Variants in NOTCH2 observed in about 807,000 individuals in gnomAD.
NOTCH2 encodes the protein notch receptor 2, also known as neurogenic locus notch homolog protein 2.
In NOTCH2, 29 loss-of-function variants were observed where a neutral mutation model predicts 235.8. The observed-to-expected ratio is 0.12, with a 90% CI of 0.09 to 0.17. The LOEUF is 0.17. NOTCH2 is among the 10% of genes least tolerant of loss of function. NOTCH2 has a pLI of 1.00. For synonymous variants in NOTCH2, 1,086 were observed against 1,141.5 expected (o/e 0.95, Z 0.98); for missense variants, 2,285 against 3,150.2 (o/e 0.73, Z 6.57).
chr1:119,971,938 G>A (rs1651376661), intron 5 of NOTCH2, among the ~76,000 whole-genome samples: 1 of 151,956 alleles, frequency 6.6e-6, no homozygotes, highest in African/African-American at 2.4e-5. Context: ...GTGAGTGAGG[G>A]ATGAGGGAGT....
rs782677147 is a variant in NOTCH2, at chr1:119,929,177, G to A, written c.3691C>T (p.Arg1231Trp). 11 of 1,614,056 alleles carry A rather than the reference G, an allele frequency of 6.8e-6. No homozygotes were observed. Among genetic ancestry groups the A allele is most frequent in the East Asian group, 2.2e-5 (1 of 44,906 alleles). ...CCACCATTAAGGCAATGGGGACCCC[G>A]GGCACAGTCATCAATGTTCTCTTCA... ...LCEENIDDCA[R>W]GPHCLNGGQC... is the part of the protein sequence containing the mutation. Residue 1231 changes from arginine to tryptophan, a missense_variant, in exon 23 of 34, where the codon CGG becomes TGG. Arg to Trp is a moderately radical substitution (Grantham distance 101). Around this residue, in one of 6 missense-constraint regions of NOTCH2, gnomAD observed 1,173 missense variants for 1,515.3 expected, o/e 0.77. Transcript: ENST00000256646.
At chr1:119,937,825 G>A (rs1553195951) in intron 20 of NOTCH2, 32 bp downstream of exon 20, 2 of 1,613,076 alleles carry the variant, frequency 1.2e-6, no homozygotes, top group Non-Finnish European at 1.7e-6. Flanking sequence ...ATACTGCAGT[G>A]AATGACCTGA....
chr1:119,966,358 CA>C lies in NOTCH2; in HGVS notation c.1567+17del, dbSNP rs782517894. ...TTTGTGCTTTAAGAGAAAACAGGGC[CA>C]GGTCGTGGGCACTTACCAGGAGGAC... is the stretch of plus-strand genomic sequence containing the variant. On this transcript the variant is annotated intron_variant, in intron 9 of 33. Transcript: ENST00000256646. 2 of 1,559,940 alleles carry C rather than the reference CA, an allele frequency of 1.3e-6. No homozygotes were observed. Among genetic ancestry groups the C allele is most frequent in the Admixed American group, 3.3e-5 (2 of 59,948 alleles).
intron 3 of NOTCH2, among the ~76,000 whole-genome samples, chr1:119,999,699 T>C (rs879996152): frequency 6.6e-6 from 1 of 151,980 alleles, no homozygotes; most frequent in South Asian, 2.1e-4. Context: ...CTGGCCAACA[T>C]GGTGAAATGC....
chr1:120,001,189 CG>C (rs1652736106), intron 3 of NOTCH2, among the ~76,000 whole-genome samples: 1 of 152,092 alleles, frequency 6.6e-6, no homozygotes, highest in South Asian at 2.1e-4. Context: ...CTTTTCTTTC[CG>C]GTCTCGGGGA....
intron 22 of NOTCH2, among the ~76,000 whole-genome samples, chr1:119,934,898 CA>C (rs1358341943): frequency 1.3e-5 from 2 of 152,178 alleles, no homozygotes; most frequent in African/African-American, 4.8e-5. Flanking sequence ...CCACTCAGTT[CA>C]AAAGCAGTGG....
At chr1:119,961,958 G>A (rs1553199023) in intron 11 of NOTCH2, among the ~76,000 whole-genome samples, 2 of 152,122 alleles carry the variant, frequency 1.3e-5, no homozygotes, top group Non-Finnish European at 2.9e-5. Context: ...CCAGGTCCCT[G>A]ATACATGCCA....
intron 25 of NOTCH2, among the ~76,000 whole-genome samples, chr1:119,924,929 GAA>G (rs1249249251): frequency 6.6e-6 from 1 of 152,200 alleles, no homozygotes; most frequent in Non-Finnish European, 1.5e-5. Context: ...TCTAGATGGG[GAA>G]AAACAGTCTT....
intron 24 of NOTCH2, among the ~76,000 whole-genome samples, chr1:119,926,147 T>C (rs1649464915): frequency 6.6e-6 from 1 of 152,210 alleles, no homozygotes; most frequent in Non-Finnish European, 1.5e-5. Context: ...ATCTGGGCAG[T>C]GAGATTACCC....
intron 20 of NOTCH2, 87 bp from the exon 21 acceptor site, chr1:119,937,553 T>C: frequency 8.0e-7 from 1 of 1,252,190 alleles, no homozygotes; most frequent in African/African-American, 1.5e-5. Flanking sequence ...AAATCTAAAC[T>C]GGCTGACACA....
intron 16 of NOTCH2, 123 bp from the exon 17 acceptor site, chr1:119,948,689 T>TGCTTTA: frequency 8.6e-7 from 1 of 1,166,392 alleles, no homozygotes; most frequent in East Asian, 2.4e-5. Flanking sequence ...GTTGGCCCCC[T>TGCTTTA]GCTTTAGGAA....
chr1:119,984,152 C>A (rs1290005736), intron 5 of NOTCH2, among the ~76,000 whole-genome samples: 1 of 152,124 alleles, frequency 6.6e-6, no homozygotes, highest in Non-Finnish European at 1.5e-5. Flanking sequence ...TCAAAATAAC[C>A]AGCTAGGTTC....
At chr1:119,988,009 T>TC (rs1416421964) in intron 4 of NOTCH2, among the ~76,000 whole-genome samples, 1 of 152,192 alleles carries the variant, frequency 6.6e-6, no homozygotes, top group Non-Finnish European at 1.5e-5. Context: ...ACTACCAGCT[T>TC]CTATTCTAAA....
At chr1:120,026,952 T>G (rs1303922475) in intron 2 of NOTCH2, among the ~76,000 whole-genome samples, 2 of 112,098 alleles carry the variant, frequency 1.8e-5, no homozygotes, top group Non-Finnish European at 3.7e-5. Flanking sequence ...TCCATTTTCT[T>G]TTTTTTTTTT....
intron 19 of NOTCH2, among the ~76,000 whole-genome samples, chr1:119,938,940 A>G (rs1649963617): frequency 6.6e-6 from 1 of 152,078 alleles, no homozygotes; most frequent in African/African-American, 2.4e-5. Context: ...TCGGCCTCCC[A>G]AAGTGCTGGG....
chr1:119,960,793 C>G (rs782144193), intron 11 of NOTCH2, among the ~76,000 whole-genome samples: 3 of 152,026 alleles, frequency 2.0e-5, no homozygotes, highest in Admixed American at 6.6e-5. Context: ...CCCACCTCAG[C>G]CTCCCGATTA....
At chr1:119,976,002 CATCTCTCAA>C (rs1267262531) in intron 5 of NOTCH2, among the ~76,000 whole-genome samples, 8 of 152,228 alleles carry the variant, frequency 5.3e-5, no homozygotes, top group Non-Finnish European at 8.8e-5. Context: ...CCTTTCCAGT[CATCTCTCAA>C]CTGTGAAGTC....
chr1:119,928,944 C>G, intron 23 of NOTCH2, 32 bp downstream of exon 23: 1 of 1,584,182 alleles, frequency 6.3e-7, no homozygotes. Flanking sequence ...TCCTCCAAGG[C>G]AGAGTGGCCA....
At chr1:119,944,391 C>T (rs1482334988) in intron 17 of NOTCH2, among the ~76,000 whole-genome samples, 9 of 151,822 alleles carry the variant, frequency 5.9e-5, no homozygotes, top group East Asian at 1.9e-4. Context: ...AAAAATCAGC[C>T]GGGCGTGGTG....
Sources: gnomAD v4.1 joint callset for allele counts (sites outside exome capture counted in the v4.1 genomes callset) on GRCh38, gnomAD v4.1.1 for gene constraint, gnomAD v4.1.1 regional missense constraint, MANE v1.5 for transcripts, NCBI Gene and HGNC (gene_info 2026-07-23, HGNC 2026-07-21) for gene names.